DNAJC12: variants seen among roughly 807,000 people sequenced by gnomAD.
DNAJC12 encodes DnaJ heat shock protein family (Hsp40) member C12, also known as dnaJ homolog subfamily C member 12.
Under a neutral mutation model 28.5 loss-of-function variants are expected in DNAJC12, and 25 were observed. That is an observed-to-expected ratio of 0.88 (90% CI 0.64 to 1.22). The LOEUF is 1.22. Among genes scored for constraint, DNAJC12 ranks in the 50% most tolerant of loss-of-function variants. DNAJC12 has a pLI of 0.00. For synonymous variants in DNAJC12, 77 were observed against 80.6 expected, an observed-to-expected ratio of 0.95 and a Z score of 0.24; for missense variants, 222 against 231.7, an observed-to-expected ratio of 0.96 and a Z score of 0.27.
intron 1 of DNAJC12, among the ~76,000 whole-genome samples, chr10:67,834,272 AT>A (rs200691645): frequency 6.6e-6 from 1 of 152,152 alleles, no homozygotes; most frequent in East Asian, 1.9e-4. Flanking sequence ...CTGTTGTACT[AT>A]TTTTACAACT....
chr10:67,817,759 C>T (rs1431969234), intron 2 of DNAJC12, among the ~76,000 whole-genome samples: 2 of 151,642 alleles, frequency 1.3e-5, no homozygotes, highest in African/African-American at 2.4e-5. Context: ...ACACTTATAG[C>T]TCCGGCTACT....
chr10:67,816,401 T>TAA (rs928225944), intron 2 of DNAJC12, among the ~76,000 whole-genome samples: 1 of 149,432 alleles, frequency 6.7e-6, no homozygotes, highest in South Asian at 2.1e-4. Flanking sequence ...GACTATAAAG[T>TAA]AAAAAAAAAA....
At chr10:67,797,995 G>A (rs1399262132) in intron 4 of DNAJC12, among the ~76,000 whole-genome samples, 1 of 149,106 alleles carries the variant, frequency 6.7e-6, no homozygotes, top group South Asian at 2.1e-4. Context: ...AGCCGAGATA[G>A]CGCCACTGCA....
intron 1 of DNAJC12, among the ~76,000 whole-genome samples, chr10:67,826,017 C>T (rs1842025457): frequency 2.0e-5 from 3 of 152,054 alleles, no homozygotes; most frequent in African/African-American, 7.2e-5. Flanking sequence ...TAAATACAAA[C>T]TCTCTTTGAA....
intron 2 of DNAJC12, among the ~76,000 whole-genome samples, chr10:67,813,839 A>G (rs1395556379): frequency 6.6e-6 from 1 of 151,974 alleles, no homozygotes; most frequent in South Asian, 2.1e-4. Context: ...AATATTGTCA[A>G]AAGAAGCTAA....
At chr10:67,805,522 T>C in intron 4 of DNAJC12, 61 bp downstream of exon 4, 1 of 1,509,132 alleles carries the variant, frequency 6.6e-7, no homozygotes, top group Non-Finnish European at 8.9e-7. Flanking sequence ...ATAAATGCAA[T>C]ATAAACAAAA....
chr10:67,826,705 A>C (rs1182028175), intron 1 of DNAJC12, among the ~76,000 whole-genome samples: 2 of 125,646 alleles, frequency 1.6e-5, no homozygotes, highest in East Asian at 4.5e-4. Context: ...TATATTATAT[A>C]TATCACTATA....
chr10:67,833,738 G>C (rs1324869996), intron 1 of DNAJC12: 1 of 434,150 alleles, frequency 2.3e-6, no homozygotes, highest in African/African-American at 2.0e-5. Context: ...GCTCTCGGTA[G>C]AGGCAAGGGA....
At chr10:67,826,061 A>T (rs1199334132) in intron 1 of DNAJC12, among the ~76,000 whole-genome samples, 2 of 152,212 alleles carry the variant, frequency 1.3e-5, no homozygotes, top group Non-Finnish European at 2.9e-5. Flanking sequence ...AAAGTAAAAA[A>T]GTCAAAATCC....
intron 1 of DNAJC12, among the ~76,000 whole-genome samples, chr10:67,824,945 G>A (rs1327824910): frequency 6.6e-6 from 1 of 152,128 alleles, no homozygotes; most frequent in East Asian, 1.9e-4. Context: ...ATGTTGGCCA[G>A]GCTGGTCTCA....
At chr10:67,836,037 TG>T (rs1842139606) in intron 1 of DNAJC12, among the ~76,000 whole-genome samples, 1 of 152,178 alleles carries the variant, frequency 6.6e-6, no homozygotes. Context: ...AATGAGTTCA[TG>T]TCCTTTGCAG....
chr10:67,836,800 A>G (rs1437939419), intron 1 of DNAJC12, among the ~76,000 whole-genome samples: 1 of 152,082 alleles, frequency 6.6e-6, no homozygotes, highest in Non-Finnish European at 1.5e-5. Context: ...AACTAAGCAC[A>G]TTTTATTAAT....
At chr10:67,813,532 G>A (rs1006475091) in intron 2 of DNAJC12, among the ~76,000 whole-genome samples, 38 of 151,480 alleles carry the variant, frequency 2.5e-4, no homozygotes, top group Admixed American at 9.9e-4. Context: ...GGCGGATCAC[G>A]AGGTCAGGAG....
intron 2 of DNAJC12, among the ~76,000 whole-genome samples, chr10:67,813,300 T>G (rs1841880746): frequency 6.6e-6 from 1 of 151,520 alleles, no homozygotes; most frequent in South Asian, 2.1e-4. Context: ...GAGGTAGAGG[T>G]TGCAGTGAGC....
At chr10:67,834,692 T>C (rs914259111) in intron 1 of DNAJC12, among the ~76,000 whole-genome samples, 5 of 152,134 alleles carry the variant, frequency 3.3e-5, no homozygotes, top group African/African-American at 1.2e-4. Flanking sequence ...CTGGGCATAG[T>C]GGCATGCACG....
At chr10:67,819,690 GAAA>G (rs1241179091) in intron 2 of DNAJC12, among the ~76,000 whole-genome samples, 463 of 18,686 alleles carry the variant, frequency 0.025, 40 homozygotes, top group South Asian at 0.077. Context: ...AAGAAAGAAA[GAAA>G]GAAAGGAAGG....
At chr10:67,818,124 G>A (rs1386902952) in intron 2 of DNAJC12, among the ~76,000 whole-genome samples, 1 of 77,308 alleles carries the variant, frequency 1.3e-5, no homozygotes, top group Non-Finnish European at 4.2e-5. Context: ...AGAACTGCTT[G>A]AGCCTGGGAG....
At chr10:67,824,231 G>A (rs1382924258) in intron 1 of DNAJC12, among the ~76,000 whole-genome samples, 2 of 56,810 alleles carry the variant, frequency 3.5e-5, no homozygotes, top group African/African-American at 1.0e-4. Context: ...GCAAGAGTCT[G>A]TCTTAAAAAA....
chr10:67,806,010 T>C (rs1185964234), intron 3 of DNAJC12, among the ~76,000 whole-genome samples: 3 of 152,212 alleles, frequency 2.0e-5, no homozygotes, highest in Admixed American at 2.0e-4. Flanking sequence ...CTTTTTCATT[T>C]TCTGTTCTGT....
Sources: gnomAD v4.1 joint callset for allele counts (sites outside exome capture counted in the v4.1 genomes callset) on GRCh38, gnomAD v4.1.1 for gene constraint, MANE v1.5 for transcripts, NCBI Gene and HGNC (gene_info 2026-07-23, HGNC 2026-07-21) for gene names.